Variants in SLC44A5 observed in about 807,000 individuals in gnomAD.
SLC44A5 encodes the protein solute carrier family 44 member 5, also known as choline transporter-like protein 5.
In SLC44A5, 57 loss-of-function variants were observed where a neutral mutation model predicts 101.8. The observed-to-expected ratio is 0.56, with a 90% CI of 0.45 to 0.70. The LOEUF (loss-of-function observed/expected upper bound fraction) is 0.70, where lower values mean the gene tolerates loss of function less well. SLC44A5 is among the 30% of genes least tolerant of loss of function. SLC44A5 has a pLI of 0.00. For missense variants in SLC44A5, 737 were observed against 853.1 expected (o/e 0.86, Z 1.70); for synonymous variants, 281 against 290.9 (o/e 0.97, Z 0.35).
rs200618502 is a variant in SLC44A5 at position 75,274,964 on chromosome 1, G to A, written c.254C>T (p.Pro85Leu). The A allele has an allele frequency of 1.2e-6, 2 of 1,611,858 alleles. No homozygotes were observed. Among genetic ancestry groups the A allele is most frequent in the East Asian group, 4.5e-5 (2 of 44,830 alleles). ...QGHFCGQKGTPNENKTILFYF... is the reference protein window; with the variant it reads ...QGHFCGQKGTLNENKTILFYF... ...CAAAGGTGGCCATACTCACTCATTG[G>A]GAGTGCCCTTCTGGCCACAAAAGTG... The change falls in exon 6 of 24, where the codon CCC becomes CTC. Residue 85 changes from proline (P) to leucine (L), a missense_variant. By Grantham distance (98) the Pro-to-Leu change is moderately conservative (BLOSUM62 -3). Transcript: ENST00000370859.
chr1:75,329,155 G>A (rs1361140066), intron 4 of SLC44A5, among the ~76,000 whole-genome samples: 1 of 152,184 alleles, frequency 6.6e-6, no homozygotes, highest in African/African-American at 2.4e-5. Context: ...AAATAAAGAT[G>A]TGGTCATTTC....
intron 23 of SLC44A5, 99 bp from the exon 24 acceptor site, chr1:75,203,932 C>G (rs1557515780): frequency 3.3e-6 from 3 of 902,154 alleles, no homozygotes; most frequent in Non-Finnish European, 2.8e-6. Context: ...GTTCAAAATC[C>G]TTTTGTTGTT....
intron 2 of SLC44A5, among the ~76,000 whole-genome samples, chr1:75,522,683 A>G (rs534181114): frequency 6.6e-6 from 1 of 152,172 alleles, no homozygotes; most frequent in Non-Finnish European, 1.5e-5. Flanking sequence ...ACTAAACTAG[A>G]TATGCAGCGC....
intron 2 of SLC44A5, among the ~76,000 whole-genome samples, chr1:75,469,900 G>GAAAAAAAAAAAAAAAA (rs1171157547): frequency 1.2e-5 from 1 of 80,564 alleles, no homozygotes; most frequent in Non-Finnish European, 2.6e-5. Flanking sequence ...ACCTTGTGAA[G>GAAAAAAAAAAAAAAAA]AAAAAAAAAA....
At chr1:75,582,532 C>T (rs1412719) in intron 1 of SLC44A5, 252 of 538,036 alleles carry the variant, frequency 4.7e-4, no homozygotes, top group Non-Finnish European at 7.1e-4. Flanking sequence ...CTCCCAAAGG[C>T]GCCCAGGCCA....
intron 2 of SLC44A5, among the ~76,000 whole-genome samples, chr1:75,484,097 T>C (rs1172755180): frequency 6.6e-6 from 1 of 152,188 alleles, no homozygotes; most frequent in African/African-American, 2.4e-5. Context: ...CATATCATTC[T>C]GTCCCTGGCC....
intron 6 of SLC44A5, among the ~76,000 whole-genome samples, chr1:75,265,420 G>A (rs1650903441): frequency 6.6e-6 from 1 of 152,160 alleles, no homozygotes; most frequent in Non-Finnish European, 1.5e-5. Flanking sequence ...GGGGAGTGAA[G>A]AGAGGCTGGT....
At chr1:75,654,081 T>C in the SLC44A5 span, among the ~76,000 whole-genome samples, 3 of 152,228 alleles carry the variant, frequency 2.0e-5, no homozygotes, top group Non-Finnish European at 2.9e-5. Flanking sequence ...GTTTCATCTA[T>C]AATTTTCTGG....
chr1:75,668,723 A>G, the SLC44A5 span, among the ~76,000 whole-genome samples: 70 of 151,674 alleles, frequency 4.6e-4, 6 homozygotes, highest in African/African-American at 1.5e-3. Flanking sequence ...GGCTGGGCAC[A>G]GTGGCTCACG....
chr1:75,352,408 T>A (rs1370271627), intron 3 of SLC44A5, among the ~76,000 whole-genome samples: 1 of 151,724 alleles, frequency 6.6e-6, no homozygotes, highest in Admixed American at 6.6e-5. Context: ...GATGTGTCCA[T>A]GTGTTCTCAT....
chr1:75,241,713 G>A (rs758189343), intron 9 of SLC44A5, among the ~76,000 whole-genome samples: 18 of 151,984 alleles, frequency 1.2e-4, no homozygotes, highest in East Asian at 3.9e-4. Flanking sequence ...GTGTTTATGC[G>A]TGCTTCCAAA....
At chr1:75,242,500 A>C (rs754595469) in intron 8 of SLC44A5, among the ~76,000 whole-genome samples, 21 of 152,064 alleles carry the variant, frequency 1.4e-4, no homozygotes, top group Non-Finnish European at 2.9e-4. Flanking sequence ...TTGTTATCAA[A>C]CTGGGCTTGG....
chr1:75,336,706 A>G (rs1382892075), intron 4 of SLC44A5, among the ~76,000 whole-genome samples: 1 of 152,230 alleles, frequency 6.6e-6, no homozygotes, highest in Non-Finnish European at 1.5e-5. Flanking sequence ...TAATATAAAA[A>G]GAGAGAGATA....
intron 3 of SLC44A5, among the ~76,000 whole-genome samples, chr1:75,358,199 T>C (rs375302444): frequency 1.4e-4 from 21 of 152,146 alleles, no homozygotes; most frequent in Admixed American, 4.6e-4. Context: ...GTCAGGTTTT[T>C]CCAGTAGATA....
At chr1:75,589,848 T>C (rs1674244687) in intron 1 of SLC44A5, among the ~76,000 whole-genome samples, 1 of 152,104 alleles carries the variant, frequency 6.6e-6, no homozygotes, top group South Asian at 2.1e-4. Context: ...TGATGCCCCC[T>C]GCAGAGAGAG....
rs186278034 is a variant in SLC44A5 at position 75,212,980 on chromosome 1, A to G, written c.1962+725T>C. Among the ~76,000 whole-genome samples, 19 of 152,244 alleles carry G rather than the reference A, an allele frequency of 1.2e-4. No individual in the cohort carries two copies. In the East Asian group the frequency reaches 2.9e-3, roughly 23 times the overall value. The stretch of plus-strand genomic sequence containing the variant: ...TTCCTGCAGGGAATTGCCTCACCCA[A>G]AGTTATACCCTCGTGCAGGGGTCAG... On this transcript the variant is annotated intron_variant, in intron 22 of 23. Transcript: ENST00000370859.
chr1:75,318,153 G>A (rs377502999), intron 4 of SLC44A5, among the ~76,000 whole-genome samples: 31 of 152,182 alleles, frequency 2.0e-4, no homozygotes, highest in African/African-American at 7.0e-4. Flanking sequence ...AAGGTGGGAG[G>A]ATCACTTGAG....
intron 23 of SLC44A5, among the ~76,000 whole-genome samples, chr1:75,208,538 G>A (rs1388065040): frequency 6.6e-6 from 1 of 152,188 alleles, no homozygotes; most frequent in East Asian, 1.9e-4. Context: ...AACTGCAAAA[G>A]TTATGGCCAC....
intron 4 of SLC44A5, among the ~76,000 whole-genome samples, chr1:75,320,063 A>G (rs1656024583): frequency 6.6e-6 from 1 of 152,172 alleles, no homozygotes; most frequent in East Asian, 1.9e-4. Flanking sequence ...TAATTACTCA[A>G]AAACATAAAA....
Sources: allele counts gnomAD v4.1 joint callset (sites outside exome capture counted in the v4.1 genomes callset), GRCh38; gene constraint gnomAD v4.1.1; transcripts MANE v1.5; gene names NCBI Gene and HGNC (gene_info 2026-07-23, HGNC 2026-07-21).